Variants in TMEM233 observed in about 807,000 individuals in gnomAD.
TMEM233 encodes the protein transmembrane protein 233, also known as dispanin subfamily B member 2.
A neutral mutation model predicts 11.2 loss-of-function variants in TMEM233; 6 were observed. The observed-to-expected ratio is 0.54, with a 90% CI of 0.29 to 1.06. TMEM233 has a LOEUF of 1.06. Ranked by LOEUF, TMEM233 falls within the 50% of genes least tolerant of loss-of-function variation. The pLI, the probability that TMEM233 is intolerant of heterozygous loss-of-function variation, is 0.08. For missense variants in TMEM233, 127 were observed against 144.7 expected, an observed-to-expected ratio of 0.88 and a Z score of 0.63; for synonymous variants, 59 against 55.8, an observed-to-expected ratio of 1.06 and a Z score of -0.26.
chr12:119,627,998 G>T (rs1227817048), intron 1 of TMEM233, among the ~76,000 whole-genome samples: 1 of 152,096 alleles, frequency 6.6e-6, no homozygotes, highest in Non-Finnish European at 1.5e-5. Context: ...TTTACATATA[G>T]TTAAAAGTGA....
In TMEM233 at chr12:119,641,219, T is replaced by TA. The variant is rs1955079021; in HGVS notation, c.*516dup. The stretch of plus-strand genomic sequence containing the variant: ...TTCCTTTTATTCTTATAACCTTCAG[T>TA]AACTCCTCCTCTGGGAGTCAGCACT... On this transcript the variant is annotated 3_prime_UTR_variant, in exon 3 of 3. Transcript: ENST00000426426. 1 of 153,010 alleles carries TA rather than the reference T, an allele frequency of 6.5e-6. No homozygotes were observed. 9.5% of individuals were successfully genotyped at this position (153,010 alleles called of 1,614,324 possible).
In TMEM233 at chr12:119,593,872, G is replaced by A. The variant is rs1286498376; in HGVS notation, c.24G>A (p.Pro8=). MSQYAPS[P]DFKRALDSSP... Reference sequence around the variant, plus strand: ...CCATGTCTCAGTACGCCCCTAGCCCGGACTTCAAGAGGGCTTTGGACAGCA... The same window carrying A: ...CCATGTCTCAGTACGCCCCTAGCCCAGACTTCAAGAGGGCTTTGGACAGCA... Residue 8 remains proline, a synonymous_variant, in exon 1 of 3, where the codon CCG becomes CCA. Transcript: ENST00000426426. The surrounding 1 kb of genome is among the most constrained non-coding windows in gnomAD (Gnocchi z 4.1). 1 of 1,551,658 alleles carries A rather than the reference G, an allele frequency of 6.4e-7. No individual in the cohort carries two copies. Among genetic ancestry groups the A allele is most frequent in the Non-Finnish European group, 8.7e-7 (1 of 1,146,956 alleles).
rs1345543019 is a variant in TMEM233 at position 119,640,765 on chromosome 12, A to G, written c.*60A>G. ...ATGGACCTCATCCACACACACCCCA[A>G]AGGAGTTTCTAAGGAATGGATCCTT... On this transcript the variant is annotated 3_prime_UTR_variant, in exon 3 of 3. Coordinates refer to ENST00000426426, the MANE Select transcript of TMEM233 (RefSeq NM_001136534.3). 3 of 1,545,952 alleles carry G rather than the reference A, an allele frequency of 1.9e-6. No homozygotes were observed. The African/African-American group carries it at 4.1e-5, about 21-fold the overall frequency.
intron 2 of TMEM233, 95 bp downstream of exon 2, chr12:119,629,967 C>A (rs1175879732): frequency 2.3e-6 from 3 of 1,328,672 alleles, no homozygotes; most frequent in East Asian, 2.6e-5. Flanking sequence ...GCTCCAGTAA[C>A]AACCCCAAGC....
chr12:119,612,210 G>A (rs1954413885), intron 1 of TMEM233, among the ~76,000 whole-genome samples: 1 of 152,066 alleles, frequency 6.6e-6, no homozygotes, highest in African/African-American at 2.4e-5. Context: ...AGCCAGGATA[G>A]TCTTAATCTC....
chr12:119,639,490 C>T (rs1316417481), intron 2 of TMEM233, among the ~76,000 whole-genome samples: 1 of 151,626 alleles, frequency 6.6e-6, no homozygotes. Context: ...GGCATGGTGG[C>T]AGGCGCCTGT....
At chr12:119,644,605 G>C (rs1283786870), downstream of TMEM233, among the ~76,000 whole-genome samples, 1 of 151,524 alleles carries the variant, frequency 6.6e-6, no homozygotes, top group Non-Finnish European at 1.5e-5. Flanking sequence ...AGCTTCCTGA[G>C]TAGCTGGGAT....
intron 1 of TMEM233, among the ~76,000 whole-genome samples, chr12:119,616,539 T>A (rs192794472): frequency 2.8e-4 from 43 of 152,206 alleles, no homozygotes; most frequent in Non-Finnish European, 5.7e-4. Flanking sequence ...ACCACAAATA[T>A]AAGTGAACAG....
chr12:119,608,801 T>C (rs1346716496), intron 1 of TMEM233, among the ~76,000 whole-genome samples: 1 of 152,170 alleles, frequency 6.6e-6, no homozygotes, highest in Non-Finnish European at 1.5e-5. Context: ...GGAGGGATGT[T>C]CTCCTACATT....
Position 119,594,077 on chromosome 12 carries a change from G to A in TMEM233, c.186+43G>A, listed in dbSNP as rs770588095. 10 of 1,542,100 alleles carry A rather than the reference G, an allele frequency of 6.5e-6. No homozygotes were observed. In the African/African-American group the frequency reaches 1.1e-4, roughly 17 times the overall value. ...AGAGGCAGCCTGGGAGGAGAGACCC[G>A]GGCGGCTTTGAGCCCCTGCAGGGGA... On this transcript the variant is annotated intron_variant, in intron 1 of 2. Transcript: ENST00000426426. This position sits in a 1 kb window ranked among gnomAD's most constrained non-coding sequence, Gnocchi z 5.6.
intron 2 of TMEM233, chr12:119,631,144 T>C (rs1378935899): frequency 6.6e-6 from 1 of 152,236 alleles, no homozygotes; most frequent in African/African-American, 2.4e-5. Flanking sequence ...TAATTTCTGG[T>C]AAGACAGATA....
chr12:119,635,469 C>T (rs776742338), intron 2 of TMEM233, among the ~76,000 whole-genome samples: 1 of 152,294 alleles, frequency 6.6e-6, no homozygotes, highest in South Asian at 2.1e-4. Context: ...TTTTGCATCC[C>T]TAAGATAAAA....
chr12:119,600,192 CAAA>C (rs55708484), intron 1 of TMEM233, among the ~76,000 whole-genome samples: 3 of 117,724 alleles, frequency 2.5e-5, no homozygotes, highest in African/African-American at 6.4e-5. Flanking sequence ...CTGCAGTTTA[CAAA>C]AAAAAAAAAA....
chr12:119,651,606 T>TAGGC, the TMEM233 span, among the ~76,000 whole-genome samples: 1 of 151,524 alleles, frequency 6.6e-6, no homozygotes, highest in Admixed American at 6.6e-5. Flanking sequence ...ATCATGAGGT[T>TAGGC]AGGCGGTCAA....
At chr12:119,609,885 C>A (rs1008816521) in intron 1 of TMEM233, among the ~76,000 whole-genome samples, 2 of 152,254 alleles carry the variant, frequency 1.3e-5, no homozygotes, top group African/African-American at 4.8e-5. Context: ...GAGCCCCCCA[C>A]AGAGTCCCCA....
intron 1 of TMEM233, among the ~76,000 whole-genome samples, chr12:119,601,275 C>CTGTAA (rs1363986671): frequency 1.3e-5 from 2 of 152,162 alleles, no homozygotes; most frequent in Admixed American, 6.5e-5. Context: ...CTCTCCAATT[C>CTGTAA]TGTAAACTTT....
At chr12:119,626,538 G>A (rs373414900) in intron 1 of TMEM233, among the ~76,000 whole-genome samples, 2 of 63,822 alleles carry the variant, frequency 3.1e-5, no homozygotes, top group African/African-American at 6.1e-5. Context: ...AAGGGAGAAG[G>A]GAGAAGAGAA....
chr12:119,612,051 T>C (rs919796160), intron 1 of TMEM233, among the ~76,000 whole-genome samples: 4 of 151,678 alleles, frequency 2.6e-5, no homozygotes, highest in Admixed American at 2.6e-4. Context: ...TGGAGTGCAG[T>C]GGTGTGGTCT....
At chr12:119,618,385 G>T (rs1047129351) in intron 1 of TMEM233, among the ~76,000 whole-genome samples, 9 of 152,202 alleles carry the variant, frequency 5.9e-5, no homozygotes, top group African/African-American at 2.2e-4. Flanking sequence ...GTGGAGCTGT[G>T]AGAAGAGGGC....
Sources: gnomAD v4.1 joint callset for allele counts (sites outside exome capture counted in the v4.1 genomes callset) on GRCh38, gnomAD v4.1.1 for gene constraint, Gnocchi (gnomAD v3.1) non-coding constraint, MANE v1.5 for transcripts, NCBI Gene and HGNC (gene_info 2026-07-23, HGNC 2026-07-21) for gene names.